LANCL2: variants seen among roughly 807,000 people sequenced by gnomAD.
The protein encoded by LANCL2 is LanC like glutathione S-transferase 2.
LANCL2 carries 33 observed loss-of-function variants against 56.9 expected under a neutral mutation model. The observed-to-expected ratio is 0.58, with a 90% CI of 0.44 to 0.78. LANCL2 has a LOEUF of 0.78. Ranked by LOEUF, LANCL2 falls within the 30% of genes least tolerant of loss-of-function variation. The probability of loss-of-function intolerance (pLI) is 0.00; values close to 1 mark genes in which losing one functional copy is unlikely to be tolerated. For synonymous variants in LANCL2, 233 were observed against 228.2 expected, an observed-to-expected ratio of 1.02 and a Z score of -0.19; for missense variants, 562 against 580.2, an observed-to-expected ratio of 0.97 and a Z score of 0.32.
At chr7:55,376,399 C>G (rs999773662) in intron 1 of LANCL2, among the ~76,000 whole-genome samples, 2 of 152,232 alleles carry the variant, frequency 1.3e-5, no homozygotes, top group Non-Finnish European at 1.5e-5. Context: ...AAAGCAAGCT[C>G]CTCAGCTTTT....
At chr7:55,384,275 C>T (rs1293898398) in intron 1 of LANCL2, among the ~76,000 whole-genome samples, 6 of 152,146 alleles carry the variant, frequency 3.9e-5, no homozygotes, top group African/African-American at 7.2e-5. Context: ...GATGCAGGGC[C>T]GGGTGCAGTG....
intron 4 of LANCL2, 81 bp from the exon 5 acceptor site, chr7:55,401,093 A>C: frequency 8.4e-7 from 1 of 1,184,554 alleles, no homozygotes; most frequent in Non-Finnish European, 1.2e-6. Flanking sequence ...TATATGTCAT[A>C]TATATATGAC....
chr7:55,425,294 G>A lies in LANCL2; in HGVS notation c.1049G>A (p.Cys350Tyr). 2 of 1,614,198 alleles carry A rather than the reference G, an allele frequency of 1.2e-6. No individual in the cohort carries two copies. The highest frequency in any genetic ancestry group is 8.5e-7 in the Non-Finnish European group (1 of 1,180,036). Residue 350 changes from cysteine to tyrosine, a missense_variant, in exon 7 of 9, where the codon TGT becomes TAT. Coordinates refer to ENST00000254770, the MANE Select transcript of LANCL2 (RefSeq NM_018697.4). ...EEKYLKEAME[C>Y]SDVIWQRGLL... is the part of the protein sequence containing the mutation. ...AAGTACTTGAAAGAGGCCATGGAGT[G>A]TAGCGATGTGATTTGGCAGCGAGGT...
intron 1 of LANCL2, among the ~76,000 whole-genome samples, chr7:55,383,205 G>C (rs1262697094): frequency 6.6e-6 from 1 of 152,198 alleles, no homozygotes; most frequent in Non-Finnish European, 1.5e-5. Flanking sequence ...AGACATATGT[G>C]GAGTGGTTTT....
At chr7:55,374,616 A>G (rs1344555124) in intron 1 of LANCL2, among the ~76,000 whole-genome samples, 1 of 152,122 alleles carries the variant, frequency 6.6e-6, no homozygotes, top group African/African-American at 2.4e-5. Flanking sequence ...TGTTTTATTC[A>G]TTTTGTTTGC....
intron 7 of LANCL2, 38 bp downstream of exon 7, chr7:55,425,468 C>T (rs758483270): frequency 3.8e-6 from 6 of 1,589,512 alleles, no homozygotes; most frequent in Non-Finnish European, 5.2e-6. Flanking sequence ...CTGAACAACC[C>T]CGAGTGTGCA....
At chr7:55,427,732 A>G (rs934070759) in intron 7 of LANCL2, among the ~76,000 whole-genome samples, 1 of 152,224 alleles carries the variant, frequency 6.6e-6, no homozygotes, top group Non-Finnish European at 1.5e-5. Context: ...TATGATTCTT[A>G]GTGTACAAAT....
chr7:55,415,386 C>T (rs2128995564), intron 6 of LANCL2, among the ~76,000 whole-genome samples: 1 of 152,320 alleles, frequency 6.6e-6, no homozygotes, highest in African/African-American at 2.4e-5. Context: ...GGGAGTGCCC[C>T]CTGGTGGCCA....
intron 5 of LANCL2, among the ~76,000 whole-genome samples, chr7:55,402,529 TG>T (rs1395906357): frequency 1.8e-5 from 2 of 108,262 alleles, no homozygotes; most frequent in African/African-American, 3.6e-5. Flanking sequence ...ACCTCCCGGA[TG>T]GGGCGGCTTG....
Position 55,433,497 on chromosome 7 carries a change from C to T in LANCL2, c.*2177C>T, listed in dbSNP as rs550137304. Reference sequence around the variant, plus strand: ...GGCAAAGGAGAAACGGGACTTACTTCACAGGACAGAGGATTGACAGAAGTC... The same window carrying T: ...GGCAAAGGAGAAACGGGACTTACTTTACAGGACAGAGGATTGACAGAAGTC... On this transcript the variant is annotated 3_prime_UTR_variant, in exon 9 of 9. Coordinates refer to ENST00000254770, the MANE Select transcript of LANCL2 (RefSeq NM_018697.4). 1.3e-5 allele frequency: 2 copies of T among 152,304 alleles called. No individual in the cohort carries two copies. The highest frequency in any genetic ancestry group is 4.1e-4 in the South Asian group (2 of 4,830). 9.4% of individuals were successfully genotyped at this position (152,304 alleles called of 1,614,324 possible). A position where few individuals can be genotyped will look rare whatever the true frequency, so the allele number is the denominator to read the frequency against.
chr7:55,379,283 A>T (rs1790038773), intron 1 of LANCL2, among the ~76,000 whole-genome samples: 1 of 152,218 alleles, frequency 6.6e-6, no homozygotes, highest in Admixed American at 6.5e-5. Flanking sequence ...GGAAAACTCA[A>T]CTTAAACGTA....
intron 1 of LANCL2, among the ~76,000 whole-genome samples, chr7:55,367,070 G>T (rs900749430): frequency 2.6e-5 from 4 of 152,188 alleles, no homozygotes; most frequent in Admixed American, 2.6e-4. Context: ...GCACTCTTCT[G>T]TTTTTCAAGT....
intron 5 of LANCL2, among the ~76,000 whole-genome samples, chr7:55,407,257 C>T (rs1311594184): frequency 1.3e-5 from 2 of 152,088 alleles, no homozygotes; most frequent in Admixed American, 6.5e-5. Flanking sequence ...AAATAGGGGG[C>T]GAGAGTGAGT....
intron 6 of LANCL2, among the ~76,000 whole-genome samples, chr7:55,415,911 G>A (rs949814343): frequency 7.9e-5 from 12 of 151,950 alleles, no homozygotes; most frequent in East Asian, 3.9e-4. Context: ...CACTGTGTCC[G>A]GCCAGTTTAT....
intron 1 of LANCL2, among the ~76,000 whole-genome samples, chr7:55,380,415 GTTT>G (rs35619978): frequency 3.7e-4 from 54 of 146,934 alleles, no homozygotes; most frequent in African/African-American, 4.4e-4. Context: ...ATACTGCATT[GTTT>G]TTTTTTTTTT....
In LANCL2 at chr7:55,398,452, C is replaced by T. The variant is rs756981466; in HGVS notation, c.352C>T (p.Arg118Trp). The change falls in exon 3 of 9, where the codon CGG (arginine) becomes TGG (tryptophan). Residue 118 changes from arginine (R) to tryptophan (W), a missense_variant. By Grantham distance (101) the Arg-to-Trp change is moderately radical. Around this residue, in one of 2 missense-constraint regions of LANCL2, gnomAD observed 378 missense variants for 468.4 expected, o/e 0.81. Coordinates refer to ENST00000254770, the MANE Select transcript of LANCL2 (RefSeq NM_018697.4). Reference sequence around the variant, plus strand: ...AGCCCTTTTGTACCTGCAGTTGTACCGGGTCACATGTGACCAAACCTACCT... The same window carrying T: ...AGCCCTTTTGTACCTGCAGTTGTACTGGGTCACATGTGACCAAACCTACCT... ...GIALLYLQLY[R>W]VTCDQTYLLR... 5 of 1,613,848 alleles carry T rather than the reference C, an allele frequency of 3.1e-6. No individual in the cohort carries two copies. The highest frequency in any genetic ancestry group is 2.2e-5 in the East Asian group (1 of 44,880).
chr7:55,385,850 C>T (rs1790119412), intron 1 of LANCL2, among the ~76,000 whole-genome samples: 1 of 152,136 alleles, frequency 6.6e-6, no homozygotes. Flanking sequence ...TTTATTTCAC[C>T]TCTGCAATCT....
At chr7:55,411,705 GAC>G (rs991549354) in intron 5 of LANCL2, among the ~76,000 whole-genome samples, 200 bp from the exon 6 acceptor site, 5 of 152,122 alleles carry the variant, frequency 3.3e-5, no homozygotes, top group African/African-American at 1.2e-4. Flanking sequence ...CCAAAGAAGA[GAC>G]AAAATACACT....
chr7:55,390,369 G>C (rs948543843), intron 1 of LANCL2, among the ~76,000 whole-genome samples: 4 of 152,192 alleles, frequency 2.6e-5, no homozygotes, highest in Non-Finnish European at 2.9e-5. Flanking sequence ...ACTTTGAGAG[G>C]CCGAGGTGGG....
Sources: gnomAD v4.1 joint callset for allele counts (sites outside exome capture counted in the v4.1 genomes callset) on GRCh38, gnomAD v4.1.1 for gene constraint, gnomAD v4.1.1 regional missense constraint, MANE v1.5 for transcripts, NCBI Gene and HGNC (gene_info 2026-07-23, HGNC 2026-07-21) for gene names.